DENND1A: variants seen among roughly 807,000 people sequenced by gnomAD.
DENND1A encodes DENN domain-containing protein 1A.
In DENND1A, 51 loss-of-function variants were observed where a neutral mutation model predicts 113.7. That is an observed-to-expected ratio of 0.45 (90% CI 0.36 to 0.57). The LOEUF (loss-of-function observed/expected upper bound fraction) is 0.57, where lower values mean the gene tolerates loss of function less well. Ranked by LOEUF, DENND1A falls within the 20% of genes least tolerant of loss-of-function variation. DENND1A has a pLI of 0.00. For synonymous variants in DENND1A, 565 were observed against 570.8 expected, an observed-to-expected ratio of 0.99 and a Z score of 0.14; for missense variants, 1,258 against 1,395.9, an observed-to-expected ratio of 0.90 and a Z score of 1.57.
chr9:123,620,213 C>CAAAAAAAAAAAAAAAAAAAAAAA (rs34196587), intron 10 of DENND1A, among the ~76,000 whole-genome samples: 7 of 59,044 alleles, frequency 1.2e-4, no homozygotes, highest in East Asian at 8.8e-4. Flanking sequence ...GACTCCATCT[C>CAAAAAAAAAAAAAAAAAAAAAAA]AAAAAAAAAA....
rs951856866 is a variant in DENND1A, at chr9:123,379,680, A to G, written c.*1752T>C. On this transcript the variant is annotated 3_prime_UTR_variant, in exon 24 of 24. Transcript: ENST00000394215. ...CTCTTCCCCAAGATGATTTTATTGA[A>G]TGCACACAAAGTTCATCCTTGGGTT... 1 of 152,272 alleles carries G rather than the reference A, an allele frequency of 6.6e-6. No individual in the cohort carries two copies. Among genetic ancestry groups the G allele is most frequent in the African/African-American group, 2.4e-5 (1 of 41,468 alleles). 9.4% of individuals were successfully genotyped at this position (152,272 alleles called of 1,614,324 possible). A position where few individuals can be genotyped will look rare whatever the true frequency, so the allele number is the denominator to read the frequency against.
In DENND1A at chr9:123,792,756, C is replaced by T; in HGVS notation, c.89-126G>A. On this transcript the variant is annotated intron_variant, in intron 2 of 23. Transcript: ENST00000394215. Reference sequence around the variant, plus strand: ...GGGGATCCAAGGGGGGCAGCTGAGGCTGCTATGTTGATGAGCACAAGGAAG... The same window carrying T: ...GGGGATCCAAGGGGGGCAGCTGAGGTTGCTATGTTGATGAGCACAAGGAAG... 6 of 980,176 alleles carry T rather than the reference C, an allele frequency of 6.1e-6. 1 individual carries two copies. The South Asian group carries it at 8.5e-5, about 14-fold the overall frequency. 60.7% of individuals were successfully genotyped at this position (980,176 alleles called of 1,614,324 possible).
chr9:123,743,309 G>A (rs1176399528), intron 5 of DENND1A, among the ~76,000 whole-genome samples: 2 of 152,122 alleles, frequency 1.3e-5, no homozygotes, highest in Non-Finnish European at 2.9e-5. Flanking sequence ...GCTGAGGTGG[G>A]AGAATCACTT....
chr9:123,420,512 G>C (rs1028691646), intron 19 of DENND1A, among the ~76,000 whole-genome samples: 1 of 152,206 alleles, frequency 6.6e-6, no homozygotes, highest in Non-Finnish European at 1.5e-5. Flanking sequence ...TCTCCGGAGA[G>C]AGCGCGCTCA....
chr9:123,855,920 C>A (rs1404822166), intron 2 of DENND1A, among the ~76,000 whole-genome samples: 48 of 152,024 alleles, frequency 3.2e-4, no homozygotes, highest in Non-Finnish European at 4.4e-5. Flanking sequence ...GCCTGTAATC[C>A]CAGCTACTCG....
intron 6 of DENND1A, among the ~76,000 whole-genome samples, chr9:123,672,921 C>T (rs1296022264): frequency 6.6e-6 from 1 of 152,180 alleles, no homozygotes; most frequent in Admixed American, 6.5e-5. Context: ...TCAAGTTTTG[C>T]CAACTGTGCC....
intron 5 of DENND1A, among the ~76,000 whole-genome samples, chr9:123,705,003 C>A: frequency 6.6e-6 from 1 of 151,482 alleles, no homozygotes. Flanking sequence ...AAAGAAGCAT[C>A]AAAAGTCAAA....
At chr9:123,887,537 G>A (rs1239350081) in intron 1 of DENND1A, among the ~76,000 whole-genome samples, 1 of 151,896 alleles carries the variant, frequency 6.6e-6, no homozygotes, top group Non-Finnish European at 1.5e-5. Context: ...CCCAACACAG[G>A]GTGTCAGAGC....
chr9:123,628,772 G>T (rs140357465), intron 10 of DENND1A, among the ~76,000 whole-genome samples: 1 of 152,220 alleles, frequency 6.6e-6, no homozygotes, highest in East Asian at 1.9e-4. Flanking sequence ...AAAAAATGTG[G>T]GGTTCAGCCA....
intron 5 of DENND1A, among the ~76,000 whole-genome samples, chr9:123,686,389 G>A (rs2064812592): frequency 6.6e-6 from 1 of 152,342 alleles, no homozygotes; most frequent in East Asian, 1.9e-4. Context: ...GATAAATCCT[G>A]AGATTAGGAT....
intron 10 of DENND1A, among the ~76,000 whole-genome samples, chr9:123,618,059 A>G (rs949920895): frequency 6.6e-6 from 1 of 152,174 alleles, no homozygotes; most frequent in Non-Finnish European, 1.5e-5. Context: ...TCCATTCATC[A>G]CGTTTTAAAG....
At chr9:123,605,834 G>A (rs1055205106) in intron 11 of DENND1A, among the ~76,000 whole-genome samples, 7 of 152,124 alleles carry the variant, frequency 4.6e-5, no homozygotes, top group Non-Finnish European at 8.8e-5. Flanking sequence ...TCTTCCTATG[G>A]TAGCTTTTTC....
At chr9:123,855,476 C>A (rs1043052396) in intron 2 of DENND1A, among the ~76,000 whole-genome samples, 1 of 151,986 alleles carries the variant, frequency 6.6e-6, no homozygotes, top group Admixed American at 6.6e-5. Flanking sequence ...AAGACCAGAT[C>A]CTAAGGTATG....
At chr9:123,610,752 G>C (rs1035899719) in intron 10 of DENND1A, among the ~76,000 whole-genome samples, 6 of 152,200 alleles carry the variant, frequency 3.9e-5, no homozygotes, top group African/African-American at 1.4e-4. Flanking sequence ...GACAAGAATG[G>C]CTCTTTGGGG....
intron 12 of DENND1A, among the ~76,000 whole-genome samples, chr9:123,581,454 C>T (rs2058890079): frequency 6.6e-6 from 1 of 151,942 alleles, no homozygotes; most frequent in African/African-American, 2.4e-5. Context: ...GGCAACACAG[C>T]AAGACTCCAT....
chr9:123,519,057 G>A (rs1473566648), intron 13 of DENND1A, among the ~76,000 whole-genome samples: 2 of 152,106 alleles, frequency 1.3e-5, no homozygotes, highest in African/African-American at 4.8e-5. Flanking sequence ...CCTAGGGGCC[G>A]TGTTGCCTCC....
chr9:123,573,964 G>A (rs879602691), intron 12 of DENND1A, among the ~76,000 whole-genome samples: 13 of 150,418 alleles, frequency 8.6e-5, no homozygotes, highest in Non-Finnish European at 1.6e-4. Context: ...GAATATTGCC[G>A]AATTTTTCCT....
chr9:123,865,312 T>A (rs543145093), intron 2 of DENND1A, among the ~76,000 whole-genome samples: 28 of 152,210 alleles, frequency 1.8e-4, no homozygotes, highest in Non-Finnish European at 3.1e-4. Context: ...TCAATTTCCA[T>A]TCAGCAAAAA....
At chr9:123,827,916 T>C (rs899909814) in intron 2 of DENND1A, among the ~76,000 whole-genome samples, 1 of 152,172 alleles carries the variant, frequency 6.6e-6, no homozygotes, top group Admixed American at 6.5e-5. Flanking sequence ...AAATCCTCTC[T>C]GGAGGAGGAT....
Sources: allele counts gnomAD v4.1 joint callset (sites outside exome capture counted in the v4.1 genomes callset), GRCh38; gene constraint gnomAD v4.1.1; transcripts MANE v1.5; gene names NCBI Gene and HGNC (gene_info 2026-07-23, HGNC 2026-07-21).